HSD17B4: variants seen among roughly 807,000 people sequenced by gnomAD.
The protein encoded by HSD17B4 is peroxisomal multifunctional enzyme type 2.
Under a neutral mutation model 101.0 loss-of-function variants are expected in HSD17B4, and 70 were observed. That is an observed-to-expected ratio of 0.69 (90% CI 0.57 to 0.85). The LOEUF is 0.85. Ranked by LOEUF, HSD17B4 falls within the 40% of genes least tolerant of loss-of-function variation. The pLI is 0.00. For missense variants in HSD17B4, 984 were observed against 892.4 expected, an observed-to-expected ratio of 1.10 and a Z score of -1.31; for synonymous variants, 347 against 297.1, an observed-to-expected ratio of 1.17 and a Z score of -1.73.
chr5:119,526,087 G>C, intron 19 of HSD17B4, 64 bp downstream of exon 19: 8 of 920,434 alleles, frequency 8.7e-6, no homozygotes, highest in Non-Finnish European at 1.5e-5. Flanking sequence ...AGAAGAAAAG[G>C]GGTTTTAGTG....
intron 23 of HSD17B4, among the ~76,000 whole-genome samples, chr5:119,540,784 A>G (rs1338159529): frequency 6.6e-6 from 1 of 152,188 alleles, no homozygotes; most frequent in Non-Finnish European, 1.5e-5. Context: ...GTTAACAAGC[A>G]TTGCTGAGCA....
At chr5:119,492,795 C>G (rs977250182) in intron 10 of HSD17B4, 1 of 151,756 alleles carries the variant, frequency 6.6e-6, no homozygotes, top group Non-Finnish European at 1.5e-5. Context: ...TCTCTCAAAC[C>G]TTGTGAACTC....
In HSD17B4 at chr5:119,541,986, A is replaced by G. The variant is rs1049954328; in HGVS notation, c.2203A>G (p.Lys735Glu). 5.6e-6 allele frequency: 9 copies of G among 1,604,998 alleles called. No individual in the cohort carries two copies. The highest frequency in any genetic ancestry group is 6.8e-6 in the Non-Finnish European group (8 of 1,172,172). Reference protein sequence around the residue: ...KLQMILKDYAKL With the variant: ...KLQMILKDYAEL ...TCAGATGATTCTTAAAGACTACGCC[A>G]AGCTCTGAAGGGCACACTACACTAT... Residue 735 changes from lysine (K) to glutamate (E), a missense_variant, in exon 24 of 24, where the codon AAG becomes GAG. Physicochemically the swap from Lys to Glu is moderately conservative, Grantham distance 56. Coordinates refer to ENST00000510025, the MANE Select transcript of HSD17B4 (RefSeq NM_000414.4).
chr5:119,459,834 G>A (rs562892182), intron 2 of HSD17B4, among the ~76,000 whole-genome samples: 17 of 151,470 alleles, frequency 1.1e-4, no homozygotes, highest in African/African-American at 3.9e-4. Context: ...TAAGGGCAGA[G>A]CCCTCACAAT....
At chr5:119,500,004 G>T (rs897069938) in intron 13 of HSD17B4, among the ~76,000 whole-genome samples, 5 of 152,144 alleles carry the variant, frequency 3.3e-5, no homozygotes, top group Admixed American at 6.6e-5. Flanking sequence ...TGTAGAGTGA[G>T]CAAGGGGGCA....
At chr5:119,471,675 T>A in intron 2 of HSD17B4, 1 of 1,476,580 alleles carries the variant, frequency 6.8e-7, no homozygotes, top group Non-Finnish European at 9.0e-7. Flanking sequence ...AGAAGATCAT[T>A]TCACAATGCA....
At chr5:119,457,741 C>G (rs987605038) in intron 2 of HSD17B4, among the ~76,000 whole-genome samples, 1 of 152,146 alleles carries the variant, frequency 6.6e-6, no homozygotes, top group East Asian at 1.9e-4. Context: ...CTTTTCTGCT[C>G]AATTCCATAA....
intron 17 of HSD17B4, among the ~76,000 whole-genome samples, chr5:119,524,579 C>T (rs572291733): frequency 4.6e-5 from 7 of 152,202 alleles, no homozygotes; most frequent in South Asian, 4.2e-4. Context: ...ACCATTTAAA[C>T]GCCAGAAAGT....
At chr5:119,514,434 T>C (rs148121116) in intron 16 of HSD17B4, among the ~76,000 whole-genome samples, 54 of 152,328 alleles carry the variant, frequency 3.5e-4, no homozygotes, top group African/African-American at 1.3e-3. Flanking sequence ...TTTACTTTGG[T>C]TTAAATCAAC....
chr5:119,453,709 G>C (rs1342487825), intron 1 of HSD17B4, among the ~76,000 whole-genome samples: 2 of 152,202 alleles, frequency 1.3e-5, no homozygotes, highest in African/African-American at 4.8e-5. Context: ...TTCAGAAAAT[G>C]CTTTCAGTGT....
chr5:119,517,392 C>T (rs1561479142), intron 17 of HSD17B4, among the ~76,000 whole-genome samples: 1 of 152,218 alleles, frequency 6.6e-6, no homozygotes, highest in Admixed American at 6.5e-5. Flanking sequence ...CTCCCACCCC[C>T]TCCATGGGCT....
At chr5:119,493,685 T>C (rs889548071) in intron 10 of HSD17B4, 133 bp from the exon 11 acceptor site, 7 of 800,396 alleles carry the variant, frequency 8.7e-6, no homozygotes, top group South Asian at 6.2e-5. Flanking sequence ...AGGCTTATGG[T>C]AAAACTCTTT....
chr5:119,528,001 A>G (rs1753752304), intron 20 of HSD17B4, among the ~76,000 whole-genome samples: 1 of 152,142 alleles, frequency 6.6e-6, no homozygotes, highest in South Asian at 2.1e-4. Context: ...GACCAGGCTA[A>G]TACTTTTTGG....
At chr5:119,520,707 T>C (rs1000082445) in intron 17 of HSD17B4, among the ~76,000 whole-genome samples, 1 of 152,158 alleles carries the variant, frequency 6.6e-6, no homozygotes, top group African/African-American at 2.4e-5. Flanking sequence ...ATAATTTTTC[T>C]AGTTGTTTAT....
At chr5:119,460,048 T>A in intron 2 of HSD17B4, among the ~76,000 whole-genome samples, 1 of 151,948 alleles carries the variant, frequency 6.6e-6, no homozygotes, top group South Asian at 2.1e-4. Context: ...TTTTTTTTTT[T>A]GTATTTTTAG....
chr5:119,494,129 C>A (rs1466816824), intron 11 of HSD17B4, among the ~76,000 whole-genome samples, 183 bp downstream of exon 11: 1 of 152,164 alleles, frequency 6.6e-6, no homozygotes, highest in Non-Finnish European at 1.5e-5. Context: ...GTTATTCTCA[C>A]TGTCAGTTTT....
intron 2 of HSD17B4, among the ~76,000 whole-genome samples, chr5:119,462,560 T>A (rs1561430044): frequency 1.3e-5 from 2 of 152,000 alleles, no homozygotes; most frequent in African/African-American, 4.8e-5. Context: ...CATATCAGTA[T>A]AAGTTATTAT....
chr5:119,521,919 G>GTTT (rs1168350157), intron 17 of HSD17B4, among the ~76,000 whole-genome samples: 39 of 142,060 alleles, frequency 2.7e-4, no homozygotes, highest in Non-Finnish European at 6.2e-5. Flanking sequence ...TTCAGTTTTG[G>GTTT]TTTTTTTTTT....
intron 17 of HSD17B4, among the ~76,000 whole-genome samples, chr5:119,520,017 C>T (rs1453773474): frequency 2.0e-5 from 3 of 152,138 alleles, no homozygotes; most frequent in Admixed American, 6.5e-5. Flanking sequence ...TAGCACCCAT[C>T]GCCTTTAGTT....
Sources: allele counts gnomAD v4.1 joint callset (sites outside exome capture counted in the v4.1 genomes callset), GRCh38; gene constraint gnomAD v4.1.1; transcripts MANE v1.5; gene names NCBI Gene and HGNC (gene_info 2026-07-23, HGNC 2026-07-21).